DPY30: variants seen among roughly 807,000 people sequenced by gnomAD.
DPY30 encodes protein dpy-30 homolog.
Under a neutral mutation model 16.2 loss-of-function variants are expected in DPY30, and 6 were observed. That is an observed-to-expected ratio of 0.37 (90% CI 0.20 to 0.73). The LOEUF (loss-of-function observed/expected upper bound fraction) is 0.73, where lower values mean the gene tolerates loss of function less well. Among genes scored for constraint, DPY30 ranks in the 30% least tolerant of loss-of-function variants. DPY30 has a pLI of 0.51. For missense variants in DPY30, 73 were observed against 113.1 expected (o/e 0.65, Z 1.61); for synonymous variants, 39 against 38.8 (o/e 1.00, Z -0.02).
At chr2:32,038,923 T>C (rs766988303) in intron 3 of DPY30, among the ~76,000 whole-genome samples, 1 of 152,224 alleles carries the variant, frequency 6.6e-6, no homozygotes, top group African/African-American at 2.4e-5. Flanking sequence ...GCTGGGATGA[T>C]AGGCGTGGGC....
chr2:32,027,602 T>C (rs557126262), intron 4 of DPY30, among the ~76,000 whole-genome samples: 1 of 148,830 alleles, frequency 6.7e-6, no homozygotes, highest in African/African-American at 2.5e-5. Context: ...GTTAACTCAC[T>C]ACCTTCAAAT....
rs1204154507 is a variant in DPY30 at position 32,029,622 on chromosome 2, G to A, written c.199C>T (p.Gln67Ter). 6.2e-7 allele frequency: 1 copy of A among 1,613,418 alleles called. No homozygotes were observed. The highest frequency in any genetic ancestry group is 8.5e-7 in the Non-Finnish European group (1 of 1,179,958). Reference sequence around the variant, plus strand: ...TCCTTTGCAAGCACAGCAAGTCCCTGTAATAAGATAGGCACAACTGTCTGA... The same window carrying A: ...TCCTTTGCAAGCACAGCAAGTCCCTATAATAAGATAGGCACAACTGTCTGA... ...LDQTVVPILL[Q>*]GLAVLAKERP... Residue 67 changes from glutamine (Q) to a stop codon, truncating the protein, a stop_gained, in exon 4 of 5, where the codon CAG becomes TAG. Coordinates refer to ENST00000342166, the MANE Select transcript of DPY30 (RefSeq NM_001321209.2). LOFTEE classifies it high-confidence loss of function.
At chr2:32,019,406 A>AG (rs536399128), downstream of DPY30, among the ~76,000 whole-genome samples, 12 of 152,320 alleles carry the variant, frequency 7.9e-5, no homozygotes, top group South Asian at 2.1e-3. Context: ...CTAGCTACTT[A>AG]GGAGGCTAAG....
At chr2:32,038,651 T>TG (rs1301232519) in intron 3 of DPY30, among the ~76,000 whole-genome samples, 13 of 140,616 alleles carry the variant, frequency 9.2e-5, no homozygotes, top group African/African-American at 3.1e-4. Flanking sequence ...TTTTTACTTT[T>TG]TTTTTTTTTT....
downstream of DPY30, among the ~76,000 whole-genome samples, chr2:32,019,820 CAAA>C (rs1169379455): frequency 3.0e-3 from 259 of 86,648 alleles, 1 homozygote; most frequent in Non-Finnish European, 4.8e-3. Context: ...AACTCCGTCT[CAAA>C]AAAAAAAAAA....
chr2:32,019,374 G>T (rs746242218), downstream of DPY30, among the ~76,000 whole-genome samples: 4 of 152,160 alleles, frequency 2.6e-5, no homozygotes, highest in African/African-American at 9.7e-5. Flanking sequence ...TTAGCCTGGC[G>T]TGGTGGTGCA....
intron 3 of DPY30, among the ~76,000 whole-genome samples, chr2:32,038,655 T>TC (rs1675845808): frequency 2.8e-5 from 4 of 142,366 alleles, no homozygotes; most frequent in Admixed American, 2.8e-4. Flanking sequence ...TACTTTTTTT[T>TC]TTTTTTTTTT....
At chr2:32,023,290 A>G (rs1675224328), downstream of DPY30, 2 of 378,170 alleles carry the variant, frequency 5.3e-6, no homozygotes, top group Admixed American at 3.7e-5. Flanking sequence ...CTAGTGAGCT[A>G]TCTCAATTTC....
downstream of DPY30, chr2:32,023,541 A>C: frequency 2.0e-6 from 1 of 501,360 alleles, no homozygotes; most frequent in South Asian, 1.5e-5. Context: ...TTAAGTAAAA[A>C]TGTACTATGC....
At position 32,015,854 on chromosome 2, in the gene DPY30, A is replaced by AC. The variant is rs1288390434; in HGVS notation, n.378-3803_378-3802insG. ...TGACAGAGCAAGACCCTGTCTAAAAAAAAAAAAAAAAAAAATACAAAGCTT... is the reference window on the plus strand; with the variant it reads ...TGACAGAGCAAGACCCTGTCTAAAAACAAAAAAAAAAAAAAATACAAAGCTT... On this transcript the variant is annotated intron_variant and non_coding_transcript_variant, in intron 5 of 5. Transcript: ENST00000414013. Among the ~76,000 whole-genome samples the AC allele has an allele frequency of 3.3e-5, 5 of 151,858 alleles. No individual in the cohort carries two copies. The South Asian group carries it at 8.3e-4, about 25-fold the overall frequency.
intron 3 of DPY30, among the ~76,000 whole-genome samples, chr2:32,038,391 G>T (rs1675831011): frequency 8.9e-6 from 1 of 112,840 alleles, no homozygotes; most frequent in Admixed American, 1.1e-4. Flanking sequence ...GTGAGCCACC[G>T]CGTCCGGCCT....
intron 5 of DPY30, chr2:32,013,440 A>G (rs1466658955): frequency 6.6e-6 from 1 of 152,214 alleles, no homozygotes; most frequent in East Asian, 1.9e-4. Context: ...TGTCCACCTT[A>G]TTCTAGCTAC....
chr2:32,024,263 G>A lies in DPY30; in HGVS notation c.228-7C>T. On this transcript the variant is annotated splice_region_variant and splice_polypyrimidine_tract_variant and intron_variant, in intron 4 of 4. Transcript: ENST00000342166. ...TTCAATGGGATTTGGTGGTCTGTAA[G>A]GGAAAAGAAATCCAAAGTTTAGAAA... 6.3e-7 allele frequency: 1 copy of A among 1,590,390 alleles called. No individual in the cohort carries two copies. The highest frequency in any genetic ancestry group is 2.2e-5 in the East Asian group (1 of 44,620).
intron 4 of DPY30, 145 bp from the exon 5 acceptor site, chr2:32,024,401 G>A (rs1185177290): frequency 3.0e-6 from 2 of 661,850 alleles, no homozygotes; most frequent in African/African-American, 1.8e-5. Context: ...TAAAATAAAT[G>A]AGATAAGCAA....
chr2:32,026,006 G>T (rs191326360), intron 4 of DPY30, among the ~76,000 whole-genome samples: 229 of 152,172 alleles, frequency 1.5e-3, no homozygotes, highest in African/African-American at 5.3e-3. Flanking sequence ...TACTCAGGAG[G>T]TTAGGTGGAA....
intron 3 of DPY30, among the ~76,000 whole-genome samples, chr2:32,037,808 C>T (rs2148672178): frequency 6.6e-6 from 1 of 152,058 alleles, no homozygotes; most frequent in Middle Eastern, 3.4e-3. Context: ...CCACCTCGGC[C>T]TCCCAAAGTG....
At chr2:32,030,582 A>T (rs1404320331) in intron 3 of DPY30, among the ~76,000 whole-genome samples, 1 of 150,804 alleles carries the variant, frequency 6.6e-6, no homozygotes, top group Admixed American at 6.7e-5. Flanking sequence ...GTGAGCCGAG[A>T]TCGCGCCACC....
intron 5 of DPY30, among the ~76,000 whole-genome samples, chr2:32,014,595 T>C (rs1675027969): frequency 1.3e-5 from 2 of 152,036 alleles, no homozygotes; most frequent in Admixed American, 6.6e-5. Context: ...GCCATTCTCC[T>C]GCCTCAGCCT....
chr2:32,029,312 T>C (rs1463757520), intron 4 of DPY30, among the ~76,000 whole-genome samples: 2 of 152,006 alleles, frequency 1.3e-5, no homozygotes, highest in African/African-American at 2.4e-5. Flanking sequence ...ATGAAGACTG[T>C]GGAGAGATAC....
Sources: allele counts gnomAD v4.1 joint callset (sites outside exome capture counted in the v4.1 genomes callset), GRCh38; gene constraint gnomAD v4.1.1; transcripts MANE v1.5; gene names NCBI Gene and HGNC (gene_info 2026-07-23, HGNC 2026-07-21).